RIMS2: variants seen among roughly 807,000 people sequenced by gnomAD.
The protein encoded by RIMS2 is regulating synaptic membrane exocytosis 2, also known as regulating synaptic membrane exocytosis protein 2.
Under a neutral mutation model 174.4 loss-of-function variants are expected in RIMS2, and 59 were observed. The ratio of observed to expected loss-of-function variants is 0.34; its 90% CI spans 0.27 to 0.42. The LOEUF (loss-of-function observed/expected upper bound fraction) is 0.42, where lower values mean the gene tolerates loss of function less well. Ranked by LOEUF, RIMS2 falls within the 10% of genes least tolerant of loss-of-function variation. RIMS2 has a pLI of 1.00. For missense variants in RIMS2, 1,620 were observed against 1,666.3 expected (o/e 0.97, Z 0.48); for synonymous variants, 606 against 572.5 (o/e 1.06, Z -0.84).
intron 19 of RIMS2, among the ~76,000 whole-genome samples, chr8:104,190,269 C>T (rs990168097): frequency 6.6e-6 from 1 of 151,798 alleles, no homozygotes; most frequent in Non-Finnish European, 1.5e-5. Flanking sequence ...GCCATTGCAC[C>T]TCAGCCTGTG....
chr8:103,584,188 T>A (rs2093774529), intron 1 of RIMS2, among the ~76,000 whole-genome samples: 1 of 152,168 alleles, frequency 6.6e-6, no homozygotes, highest in Non-Finnish European at 1.5e-5. Flanking sequence ...TTGCATGACA[T>A]ATTTAATGTG....
intron 4 of RIMS2, among the ~76,000 whole-genome samples, chr8:103,901,339 T>C (rs1421120421): frequency 6.6e-6 from 1 of 152,130 alleles, no homozygotes; most frequent in African/African-American, 2.4e-5. Flanking sequence ...TACATGCAGC[T>C]AAGATGTCCC....
At chr8:103,723,535 T>G (rs2097483555) in intron 2 of RIMS2, among the ~76,000 whole-genome samples, 1 of 152,162 alleles carries the variant, frequency 6.6e-6, no homozygotes, top group Admixed American at 6.5e-5. Context: ...CATATGTGTG[T>G]GGCCTGTAGT....
intron 1 of RIMS2, among the ~76,000 whole-genome samples, chr8:103,604,016 G>A (rs1301828979): frequency 6.7e-6 from 1 of 149,940 alleles, no homozygotes; most frequent in African/African-American, 2.5e-5. Flanking sequence ...GATCCCATTT[G>A]TCTATTTTGT....
chr8:103,783,282 T>A (rs1285153778), intron 3 of RIMS2, among the ~76,000 whole-genome samples: 2 of 149,160 alleles, frequency 1.3e-5, no homozygotes, highest in Non-Finnish European at 3.0e-5. Flanking sequence ...TTTTTTTTTT[T>A]ATTATACTTT....
At chr8:103,622,914 G>A (rs1057356231) in intron 1 of RIMS2, among the ~76,000 whole-genome samples, 14 of 152,178 alleles carry the variant, frequency 9.2e-5, no homozygotes, top group Non-Finnish European at 1.6e-4. Flanking sequence ...GCATAGCACA[G>A]ATTATTTATT....
At chr8:103,519,571 T>C (rs1335717614) in intron 1 of RIMS2, among the ~76,000 whole-genome samples, 1 of 152,124 alleles carries the variant, frequency 6.6e-6, no homozygotes, top group East Asian at 1.9e-4. Flanking sequence ...ATCTTTGTTA[T>C]AGCCTTCCAG....
chr8:103,995,973 A>G (rs1398355196), intron 17 of RIMS2, among the ~76,000 whole-genome samples: 3 of 151,980 alleles, frequency 2.0e-5, no homozygotes, highest in Non-Finnish European at 4.4e-5. Flanking sequence ...TGAGACTGTA[A>G]AACTTGGTTT....
intron 4 of RIMS2, among the ~76,000 whole-genome samples, chr8:103,896,094 A>G (rs1008229397): frequency 2.6e-5 from 4 of 151,558 alleles, no homozygotes; most frequent in Non-Finnish European, 5.9e-5. Flanking sequence ...TGGAGAGTGT[A>G]TTTAGCTTTT....
intron 3 of RIMS2, among the ~76,000 whole-genome samples, chr8:103,787,939 G>T (rs1238922738): frequency 1.3e-5 from 2 of 152,018 alleles, no homozygotes; most frequent in African/African-American, 4.8e-5. Context: ...TTTTCACATA[G>T]TCCCATACTT....
intron 3 of RIMS2, among the ~76,000 whole-genome samples, chr8:103,793,366 G>T: frequency 6.6e-6 from 1 of 152,112 alleles, no homozygotes; most frequent in African/African-American, 2.4e-5. Context: ...AAAGGCCTTC[G>T]AGAAAATTCA....
chr8:103,625,595 GT>G (rs1396419627), intron 1 of RIMS2, among the ~76,000 whole-genome samples: 1 of 152,004 alleles, frequency 6.6e-6, no homozygotes, highest in Non-Finnish European at 1.5e-5. Context: ...GATAAAGACC[GT>G]TTAACATAGT....
intron 4 of RIMS2, among the ~76,000 whole-genome samples, chr8:103,899,910 A>G (rs1250415065): frequency 6.6e-6 from 1 of 151,780 alleles, no homozygotes; most frequent in Non-Finnish European, 1.5e-5. Flanking sequence ...GGTGTAAGGA[A>G]GGGATCCAGT....
chr8:103,626,787 C>T (rs1034980013), intron 1 of RIMS2, among the ~76,000 whole-genome samples: 30 of 151,844 alleles, frequency 2.0e-4, no homozygotes, highest in African/African-American at 2.9e-4. Flanking sequence ...GACCTTGAGC[C>T]GCAAAACCAG....
At chr8:103,606,876 A>C (rs1281749004) in intron 1 of RIMS2, among the ~76,000 whole-genome samples, 1 of 151,068 alleles carries the variant, frequency 6.6e-6, no homozygotes, top group East Asian at 1.9e-4. Context: ...CCATCCTTTT[A>C]TTTTGAGCCT....
At position 103,598,947 on chromosome 8, in the gene RIMS2, A is replaced by G. The variant is rs16870560; in HGVS notation, c.176+97885A>G. Among the ~76,000 whole-genome samples the G allele has an allele frequency of 3.8e-3, 570 of 151,968 alleles. 8 individuals carry two copies. The highest frequency in any genetic ancestry group is 0.013 in the African/African-American group (540 of 41,458). ...AAGTTATTGTTGTTACCATTGATGTATCTGTTAGCTAAAACATATTGATCT... is the reference window on the plus strand; with the variant it reads ...AAGTTATTGTTGTTACCATTGATGTGTCTGTTAGCTAAAACATATTGATCT... On this transcript the variant is annotated intron_variant, in intron 1 of 23. Transcript: ENST00000504942.
intron 20 of RIMS2, among the ~76,000 whole-genome samples, chr8:104,247,536 A>G (rs1177409390): frequency 6.6e-6 from 1 of 152,224 alleles, no homozygotes; most frequent in Non-Finnish European, 1.5e-5. Context: ...TAGGGCTTCA[A>G]CATAAGAATT....
chr8:103,635,950 C>G (rs1589451198), intron 1 of RIMS2, among the ~76,000 whole-genome samples: 2 of 152,028 alleles, frequency 1.3e-5, no homozygotes, highest in East Asian at 3.9e-4. Context: ...GAGGTCTTGC[C>G]CAGTGAGGAG....
intron 19 of RIMS2, among the ~76,000 whole-genome samples, chr8:104,138,280 G>C (rs1401438213): frequency 2.6e-5 from 4 of 151,916 alleles, no homozygotes; most frequent in African/African-American, 9.7e-5. Context: ...TCTTCAATTT[G>C]GGTGTATATC....
Sources: gnomAD v4.1 joint callset for allele counts (sites outside exome capture counted in the v4.1 genomes callset) on GRCh38, gnomAD v4.1.1 for gene constraint, MANE v1.5 for transcripts, NCBI Gene and HGNC (gene_info 2026-07-23, HGNC 2026-07-21) for gene names.